The following PYGO1 variants were observed in gnomAD, a reference collection of about 807,000 sequenced individuals.
PYGO1 encodes pygopus family PHD finger 1, also known as pygopus homolog 1.
A neutral mutation model predicts 29.5 loss-of-function variants in PYGO1; 6 were observed. That is an observed-to-expected ratio of 0.20 (90% confidence interval 0.11 to 0.40). The LOEUF (loss-of-function observed/expected upper bound fraction) is 0.40, where lower values mean the gene tolerates loss of function less well. PYGO1 is among the 10% of genes least tolerant of loss of function. The pLI, the probability that PYGO1 is intolerant of heterozygous loss-of-function variation, is 1.00. For synonymous variants in PYGO1, 186 were observed against 180.5 expected (o/e 1.03, Z -0.24); for missense variants, 515 against 514.9 (o/e 1.00, Z 0.00).
At chr15:55,577,411 CTA>C (rs777253932) in intron 1 of PYGO1, among the ~76,000 whole-genome samples, 5 of 152,070 alleles carry the variant, frequency 3.3e-5, no homozygotes, top group African/African-American at 1.2e-4. Context: ...ACCCCTGAGG[CTA>C]TGTCATGGGT....
chr15:55,586,122 A>G (rs758106950), intron 1 of PYGO1, among the ~76,000 whole-genome samples: 1 of 152,242 alleles, frequency 6.6e-6, no homozygotes, highest in Non-Finnish European at 1.5e-5. Flanking sequence ...CACATTGAAC[A>G]AAAACAAAAA....
At chr15:55,579,469 T>A (rs896879385) in intron 1 of PYGO1, among the ~76,000 whole-genome samples, 1 of 152,158 alleles carries the variant, frequency 6.6e-6, no homozygotes, top group Non-Finnish European at 1.5e-5. Flanking sequence ...ATTAATAAAT[T>A]AATCTCCAAT....
chr15:55,549,068 A>G, intron 1 of PYGO1, 73 bp from the exon 2 acceptor site: 1 of 1,131,164 alleles, frequency 8.8e-7, no homozygotes. Flanking sequence ...AGTAATATCT[A>G]TTATATTTAC....
intron 1 of PYGO1, 55 bp from the exon 2 acceptor site, chr15:55,549,050 T>C: frequency 1.5e-6 from 2 of 1,332,314 alleles, no homozygotes; most frequent in East Asian, 2.3e-5. Context: ...AGTTACTTTA[T>C]ATCTCATAGT....
In PYGO1 at chr15:55,546,844, T is replaced by C. The variant is rs1429378012; in HGVS notation, c.439A>G (p.Asn147Asp). Residue 147 changes from asparagine to aspartate, a missense_variant, in exon 3 of 3, where the codon AAC (asparagine) becomes GAC (aspartate). By Grantham distance (23) the Asn-to-Asp change is conservative. Coordinates refer to ENST00000563719, the MANE Select transcript of PYGO1 (RefSeq NM_001367806.1). ...CTTGAATTATCATGTGGCCCAAAGT[T>C]AAAAGCATGAGGTCGATTAAAACCC... The part of the protein sequence containing the change: ...GMGFNRPHAF[N>D]FGPHDNSSFG... The C allele has an allele frequency of 1.2e-6, 2 of 1,614,084 alleles. No homozygotes were observed. The highest frequency in any genetic ancestry group is 3.3e-5 in the Admixed American group (2 of 60,006).
At chr15:55,550,979 A>G (rs1418409371) in intron 1 of PYGO1, among the ~76,000 whole-genome samples, 1 of 152,188 alleles carries the variant, frequency 6.6e-6, no homozygotes, top group Non-Finnish European at 1.5e-5. Context: ...AGATTCCCAT[A>G]AGAAATGCAC....
Position 55,546,793 on chromosome 15 carries a change from CATT to C in PYGO1, c.487_489del (p.Asn163del). 6.2e-7 allele frequency: 1 copy of C among 1,613,934 alleles called. No individual in the cohort carries two copies. Among genetic ancestry groups the C allele is most frequent in the East Asian group, 2.2e-5 (1 of 44,868 alleles). On this transcript the variant is annotated inframe_deletion, in exon 3 of 3. Coordinates refer to ENST00000563719, the MANE Select transcript of PYGO1 (RefSeq NM_001367806.1). ...GGCATGTTGACATTCTGACTTAGTG[CATT>C]ATTATAAGATGGATTACCGAAACTT...
chr15:55,565,718 A>C (rs12903444), intron 1 of PYGO1, among the ~76,000 whole-genome samples: 60,063 of 150,806 alleles, frequency 0.4, 14,458 homozygotes, highest in Non-Finnish European at 0.56. Flanking sequence ...CGTCTCCCCC[A>C]AAAAAAAACA....
chr15:55,549,981 T>G (rs897045096), intron 1 of PYGO1, among the ~76,000 whole-genome samples: 1 of 152,170 alleles, frequency 6.6e-6, no homozygotes, highest in Non-Finnish European at 1.5e-5. Context: ...TATTGGTAAA[T>G]ATTTCAGAAT....
chr15:55,578,851 G>A (rs2059014638), intron 1 of PYGO1, among the ~76,000 whole-genome samples: 1 of 152,100 alleles, frequency 6.6e-6, no homozygotes, highest in Admixed American at 6.5e-5. Context: ...TTTTGATGAA[G>A]TCCAATTTAT....
At chr15:55,577,968 T>G (rs917180846) in intron 1 of PYGO1, among the ~76,000 whole-genome samples, 11 of 152,052 alleles carry the variant, frequency 7.2e-5, no homozygotes, top group Non-Finnish European at 1.5e-4. Flanking sequence ...AGAGACCTGG[T>G]TTCACCATGT....
At position 55,545,946 on chromosome 15, in the gene PYGO1, G is replaced by T; in HGVS notation, c.*77C>A. ...TTGTGTATGCATTTAAAAAAATAAT[G>T]TAAAACATTAAAATCCTGTGTCAAT... On this transcript the variant is annotated 3_prime_UTR_variant, in exon 3 of 3. Transcript: ENST00000563719. The T allele has an allele frequency of 2.1e-6, 3 of 1,412,478 alleles. No individual in the cohort carries two copies. The highest frequency in any genetic ancestry group is 2.9e-6 in the Non-Finnish European group (3 of 1,045,882). 87.5% of individuals were successfully genotyped at this position (1,412,478 alleles called of 1,614,324 possible).
chr15:55,573,919 A>G (rs1329416294), intron 1 of PYGO1, among the ~76,000 whole-genome samples: 3 of 152,212 alleles, frequency 2.0e-5, no homozygotes, highest in East Asian at 1.9e-4. Flanking sequence ...TTATCATACT[A>G]TATGTTTTCA....
chr15:55,586,510 T>C (rs1244099984), intron 1 of PYGO1, among the ~76,000 whole-genome samples: 1 of 152,212 alleles, frequency 6.6e-6, no homozygotes, highest in Non-Finnish European at 1.5e-5. Flanking sequence ...AAAAATGTAC[T>C]CTTAATGATA....
Position 55,588,308 on chromosome 15 carries a change from G to A in PYGO1, c.-425C>T, listed in dbSNP as rs2059059248. ...GCACACTCACAGCGCCCTCTGAGGA[G>A]GAGGTCTGCTCTCTCGCCGCTCCCG... On this transcript the variant is annotated 5_prime_UTR_variant, in exon 1 of 3. Coordinates refer to ENST00000563719, the MANE Select transcript of PYGO1 (RefSeq NM_001367806.1). 6.7e-6 allele frequency among the ~76,000 whole-genome samples: 1 copy of A among 148,726 alleles called. No homozygotes were observed. Among genetic ancestry groups the A allele is most frequent in the African/African-American group, 2.4e-5 (1 of 41,134 alleles).
rs1270096127 is a variant in PYGO1, at chr15:55,540,962, T to A, written c.*5061A>T. On this transcript the variant is annotated 3_prime_UTR_variant, in exon 3 of 3. Coordinates refer to ENST00000563719, the MANE Select transcript of PYGO1 (RefSeq NM_001367806.1). The stretch of plus-strand genomic sequence containing the variant: ...CATGATAAGAAGCAGGACTTTCTTT[T>A]ATAAAAGATAATATTTTGACAAACA... 4.6e-5 allele frequency: 7 copies of A among 152,174 alleles called. No individual in the cohort carries two copies. The highest frequency in any genetic ancestry group is 1.0e-4 in the Non-Finnish European group (7 of 68,012). The allele number at this position is 152,174 out of a possible 1,614,324, so 9.4% of individuals were successfully genotyped here. A position where few individuals can be genotyped will look rare whatever the true frequency, so the allele number is the denominator to read the frequency against.
chr15:55,555,824 G>A (rs866553456), intron 1 of PYGO1, among the ~76,000 whole-genome samples: 1 of 152,060 alleles, frequency 6.6e-6, no homozygotes, highest in Non-Finnish European at 1.5e-5. Context: ...AAAATAAAAG[G>A]AGGGAGGAAA....
intron 1 of PYGO1, among the ~76,000 whole-genome samples, chr15:55,559,420 G>T (rs1172680242): frequency 6.6e-6 from 1 of 152,196 alleles, no homozygotes; most frequent in Non-Finnish European, 1.5e-5. Context: ...AAGACAGTGC[G>T]GCGATTCCTC....
At chr15:55,547,210 G>C in intron 2 of PYGO1, 63 bp from the exon 3 acceptor site, 1 of 1,407,420 alleles carries the variant, frequency 7.1e-7, no homozygotes, top group Non-Finnish European at 9.5e-7. Flanking sequence ...AAATTGTCCT[G>C]TTACCTTAAT....
Sources: gnomAD v4.1 joint callset for allele counts (sites outside exome capture counted in the v4.1 genomes callset) on GRCh38, gnomAD v4.1.1 for gene constraint, MANE v1.5 for transcripts, NCBI Gene and HGNC (gene_info 2026-07-23, HGNC 2026-07-21) for gene names.